Variants in KHDRBS2 observed in about 807,000 individuals in gnomAD.
KHDRBS2 encodes KH domain-containing, RNA-binding, signal transduction-associated protein 2.
Under a neutral mutation model 44.3 loss-of-function variants are expected in KHDRBS2, and 26 were observed. That is an observed-to-expected ratio of 0.59 (90% CI 0.43 to 0.81). The LOEUF (loss-of-function observed/expected upper bound fraction) is 0.81, where lower values mean the gene tolerates loss of function less well. Among genes scored for constraint, KHDRBS2 ranks in the 40% least tolerant of loss-of-function variants. The probability of loss-of-function intolerance (pLI) is 0.00; values close to 1 mark genes in which losing one functional copy is unlikely to be tolerated. For synonymous variants in KHDRBS2, 194 were observed against 151.1 expected, an observed-to-expected ratio of 1.28 and a Z score of -2.08; for missense variants, 476 against 433.1, an observed-to-expected ratio of 1.10 and a Z score of -0.88.
intron 2 of KHDRBS2, among the ~76,000 whole-genome samples, chr6:62,071,017 T>G (rs1794927476): frequency 6.6e-6 from 1 of 152,232 alleles, no homozygotes; most frequent in Non-Finnish European, 1.5e-5. Context: ...TCCTGAATTT[T>G]TAATGATCGC....
At chr6:62,138,487 T>A (rs1334003628) in intron 2 of KHDRBS2, among the ~76,000 whole-genome samples, 8 of 152,190 alleles carry the variant, frequency 5.3e-5, no homozygotes, top group African/African-American at 1.7e-4. Flanking sequence ...TCGAGAAAAA[T>A]TTAACTAAAA....
chr6:62,113,923 A>T (rs1230025141), intron 2 of KHDRBS2, among the ~76,000 whole-genome samples: 1 of 152,140 alleles, frequency 6.6e-6, no homozygotes, highest in Non-Finnish European at 1.5e-5. Flanking sequence ...TAACAGAAGG[A>T]GTTTTAACTG....
At chr6:62,035,947 T>C (rs998220406) in intron 3 of KHDRBS2, among the ~76,000 whole-genome samples, 12 of 152,022 alleles carry the variant, frequency 7.9e-5, no homozygotes, top group Admixed American at 5.3e-4. Flanking sequence ...AGATGTGCAG[T>C]TAAATATACT....
At chr6:62,032,793 C>T (rs1784593667) in intron 3 of KHDRBS2, among the ~76,000 whole-genome samples, 1 of 151,880 alleles carries the variant, frequency 6.6e-6, no homozygotes, top group Non-Finnish European at 1.5e-5. Flanking sequence ...CCTAACTCTT[C>T]AATGCCCAGA....
At chr6:61,673,913 G>A in the KHDRBS2 span, among the ~76,000 whole-genome samples, 1 of 150,174 alleles carries the variant, frequency 6.7e-6, no homozygotes, top group Non-Finnish European at 1.5e-5. Flanking sequence ...TCACAGAATT[G>A]GAAAAAACTA....
At chr6:62,039,986 A>G (rs1786110185) in intron 3 of KHDRBS2, among the ~76,000 whole-genome samples, 1 of 152,102 alleles carries the variant, frequency 6.6e-6, no homozygotes, top group Non-Finnish European at 1.5e-5. Context: ...ACTTTAAACC[A>G]GCTTTATGAC....
the KHDRBS2 span, among the ~76,000 whole-genome samples, chr6:61,637,180 C>T: frequency 1.3e-5 from 2 of 151,970 alleles, no homozygotes; most frequent in South Asian, 2.1e-4. Flanking sequence ...CTATCCCACC[C>T]CTGTCCCCCC....
At chr6:61,837,839 AGAACC>A (rs1792963186) in intron 6 of KHDRBS2, among the ~76,000 whole-genome samples, 1 of 152,048 alleles carries the variant, frequency 6.6e-6, no homozygotes, top group Non-Finnish European at 1.5e-5. Context: ...ATATGGTCAA[AGAACC>A]TGGACAACTA....
chr6:62,276,462 C>T (rs1840951332), intron 1 of KHDRBS2, among the ~76,000 whole-genome samples: 1 of 152,104 alleles, frequency 6.6e-6, no homozygotes, highest in Non-Finnish European at 1.5e-5. Context: ...AATGCCTCAG[C>T]AAACCACACA....
At chr6:62,164,338 C>A (rs1271171359) in intron 2 of KHDRBS2, among the ~76,000 whole-genome samples, 3 of 151,796 alleles carry the variant, frequency 2.0e-5, no homozygotes, top group African/African-American at 7.2e-5. Flanking sequence ...GGCATATAGA[C>A]AACACATAAT....
chr6:61,886,252 T>G (rs1800935171), intron 6 of KHDRBS2, among the ~76,000 whole-genome samples: 1 of 152,116 alleles, frequency 6.6e-6, no homozygotes, highest in African/African-American at 2.4e-5. Flanking sequence ...TTCTCTACTT[T>G]TCTCTCCATT....
chr6:61,897,098 C>T (rs1803059938), intron 5 of KHDRBS2, among the ~76,000 whole-genome samples: 1 of 152,172 alleles, frequency 6.6e-6, no homozygotes, highest in Non-Finnish European at 1.5e-5. Flanking sequence ...TTCTTCCTAA[C>T]ATAATGCCAT....
intron 2 of KHDRBS2, among the ~76,000 whole-genome samples, chr6:62,138,033 C>T (rs1254605714): frequency 2.0e-5 from 3 of 152,102 alleles, no homozygotes; most frequent in Non-Finnish European, 2.9e-5. Context: ...TCTCTCATTG[C>T]CTAGGACCCC....
intron 6 of KHDRBS2, among the ~76,000 whole-genome samples, chr6:61,762,640 C>G (rs1024871927): frequency 6.6e-6 from 1 of 152,178 alleles, no homozygotes. Context: ...GAGGCTTTCA[C>G]CAGATGCTCA....
intron 1 of KHDRBS2, among the ~76,000 whole-genome samples, chr6:62,248,282 T>C (rs940102261): frequency 6.6e-6 from 1 of 151,230 alleles, no homozygotes; most frequent in Non-Finnish European, 1.5e-5. Flanking sequence ...GGACAGCTTG[T>C]GGTATTTTAA....
chr6:61,939,080 A>AGT (rs1811607493), intron 4 of KHDRBS2, among the ~76,000 whole-genome samples: 1 of 152,072 alleles, frequency 6.6e-6, no homozygotes, highest in Non-Finnish European at 1.5e-5. Flanking sequence ...GCTAGAGGTA[A>AGT]AAGATGCTGC....
intron 4 of KHDRBS2, among the ~76,000 whole-genome samples, chr6:61,925,146 C>G (rs1265964952): frequency 6.6e-6 from 1 of 152,058 alleles, no homozygotes; most frequent in Non-Finnish European, 1.5e-5. Context: ...AGAGTGATCA[C>G]TAAGATTTCC....
At chr6:61,730,219 A>G (rs981456148) in intron 7 of KHDRBS2, among the ~76,000 whole-genome samples, 1 of 152,150 alleles carries the variant, frequency 6.6e-6, no homozygotes, top group Non-Finnish European at 1.5e-5. Context: ...TTTTATCATT[A>G]TTGTAATATA....
intron 3 of KHDRBS2, among the ~76,000 whole-genome samples, chr6:62,037,599 T>C (rs753182309): frequency 2.6e-5 from 4 of 151,760 alleles, no homozygotes; most frequent in Non-Finnish European, 5.9e-5. Context: ...AAGCAGCAAA[T>C]AGAGGGCATT....
Sources: gnomAD v4.1 joint callset for allele counts (sites outside exome capture counted in the v4.1 genomes callset) on GRCh38, gnomAD v4.1.1 for gene constraint, MANE v1.5 for transcripts, NCBI Gene and HGNC (gene_info 2026-07-23, HGNC 2026-07-21) for gene names.